CNOT1: variants seen among roughly 807,000 people sequenced by gnomAD.
The protein encoded by CNOT1 is CCR4-NOT transcription complex subunit 1, also known as CCR4-associated factor 1.
A neutral mutation model predicts 273.8 loss-of-function variants in CNOT1; 15 were observed. The observed-to-expected ratio is 0.05, with a 90% confidence interval of 0.04 to 0.08. CNOT1 has a LOEUF of 0.08. CNOT1 is among the 10% of genes least tolerant of loss of function. The pLI, the probability that CNOT1 is intolerant of heterozygous loss-of-function variation, is 1.00. For synonymous variants in CNOT1, 1,022 were observed against 1,005.5 expected, an observed-to-expected ratio of 1.02 and a Z score of -0.31; for missense variants, 1,644 against 2,912.2, an observed-to-expected ratio of 0.56 and a Z score of 10.02.
intron 2 of CNOT1, chr16:58,597,615 T>G (rs1363542601): frequency 2.5e-6 from 1 of 405,482 alleles, no homozygotes; most frequent in Non-Finnish European, 4.7e-6. Flanking sequence ...CACTTTGATC[T>G]GTAAGCAATC....
intron 2 of CNOT1, chr16:58,597,485 G>A (rs1597556466): frequency 5.3e-6 from 1 of 187,864 alleles, no homozygotes; most frequent in East Asian, 1.8e-4. Context: ...AAAAAAAAAA[G>A]AAAGAAAGTA....
intron 16 of CNOT1, among the ~76,000 whole-genome samples, chr16:58,566,721 A>AT (rs1242334415): frequency 6.6e-6 from 1 of 152,178 alleles, no homozygotes; most frequent in Non-Finnish European, 1.5e-5. Flanking sequence ...GACAGAGTGC[A>AT]ATGGCAAGAT....
intron 8 of CNOT1, among the ~76,000 whole-genome samples, chr16:58,583,738 C>G (rs2041732920): frequency 6.6e-6 from 1 of 152,080 alleles, no homozygotes; most frequent in African/African-American, 2.4e-5. Context: ...GGGGTTTCAC[C>G]ACATTGGCCA....
At position 58,558,413 on chromosome 16, in the gene CNOT1, C is replaced by G. The variant is rs934436091; in HGVS notation, c.2332+60G>C. On this transcript the variant is annotated intron_variant, in intron 18 of 48. Transcript: ENST00000317147. ...GTGACTCCAAACCCCTTACCAAACACTAAGGCATAACTAAGGCAAACTTAT... is the reference window on the plus strand; with the variant it reads ...GTGACTCCAAACCCCTTACCAAACAGTAAGGCATAACTAAGGCAAACTTAT... 6 of 1,602,370 alleles carry G rather than the reference C, an allele frequency of 3.7e-6. No individual in the cohort carries two copies. In the African/African-American group the frequency reaches 5.4e-5, roughly 14 times the overall value.
intron 44 of CNOT1, among the ~76,000 whole-genome samples, chr16:58,526,708 C>CG (rs1389599970): frequency 6.7e-6 from 1 of 150,148 alleles, no homozygotes; most frequent in African/African-American, 2.5e-5. Flanking sequence ...CCCAGCTGCT[C>CG]GGGAGTCTGA....
intron 1 of CNOT1, among the ~76,000 whole-genome samples, chr16:58,621,401 G>A (rs938145167): frequency 6.6e-6 from 1 of 151,940 alleles, no homozygotes; most frequent in Non-Finnish European, 1.5e-5. Flanking sequence ...AGCCTCCCAA[G>A]TAGCTGAGAT....
intron 1 of CNOT1, chr16:58,623,190 C>CA (rs34089043): frequency 2.7e-5 from 4 of 146,010 alleles, no homozygotes; most frequent in Non-Finnish European, 3.0e-5. Context: ...ACTCTGCCTC[C>CA]AAAAAAAAAA....
intron 1 of CNOT1, among the ~76,000 whole-genome samples, chr16:58,628,253 T>C (rs969108144): frequency 1.3e-5 from 2 of 152,210 alleles, no homozygotes; most frequent in Non-Finnish European, 2.9e-5. Context: ...CCTAAAACCA[T>C]GTATCATCAA....
chr16:58,541,717 A>G, intron 33 of CNOT1, 97 bp from the exon 34 acceptor site: 1 of 1,195,070 alleles, frequency 8.4e-7, no homozygotes, highest in Non-Finnish European at 1.2e-6. Context: ...GCTCAGGGAC[A>G]CAAGAGTCAT....
At chr16:58,559,555 T>C (rs1375856339) in intron 17 of CNOT1, among the ~76,000 whole-genome samples, 3 of 152,184 alleles carry the variant, frequency 2.0e-5, no homozygotes, top group Non-Finnish European at 2.9e-5. Flanking sequence ...TTCACCAAAA[T>C]ATGTATTTTT....
At chr16:58,545,238 C>T in intron 30 of CNOT1, 123 bp downstream of exon 30, 6 of 1,467,160 alleles carry the variant, frequency 4.1e-6, no homozygotes, top group Non-Finnish European at 5.5e-6. Context: ...TCTCCATCCT[C>T]TCTGACAAAC....
intron 8 of CNOT1, among the ~76,000 whole-genome samples, 177 bp downstream of exon 8, chr16:58,585,161 A>G (rs1354542134): frequency 4.6e-5 from 7 of 152,192 alleles, no homozygotes; most frequent in Non-Finnish European, 1.0e-4. Context: ...TAAACATTTA[A>G]CACCCAGGAT....
intron 42 of CNOT1, 64 bp from the exon 43 acceptor site, chr16:58,530,411 G>T: frequency 8.7e-7 from 1 of 1,145,922 alleles, no homozygotes; most frequent in Middle Eastern, 2.0e-4. Context: ...ACTACAAGTC[G>T]CCCAAGCAGC....
At chr16:58,568,087 A>C (rs565548199) in intron 16 of CNOT1, among the ~76,000 whole-genome samples, 59 of 152,302 alleles carry the variant, frequency 3.9e-4, no homozygotes, top group African/African-American at 1.3e-3. Context: ...AAATCTGTAA[A>C]GAAGGCCGGG....
intron 2 of CNOT1, among the ~76,000 whole-genome samples, chr16:58,595,709 T>A (rs1182086970): frequency 1.3e-5 from 2 of 152,160 alleles, no homozygotes; most frequent in East Asian, 1.9e-4. Context: ...AAGCAGGCCA[T>A]CCTCCAGGGA....
chr16:58,606,992 G>A (rs1003976580), intron 1 of CNOT1, among the ~76,000 whole-genome samples: 4 of 152,046 alleles, frequency 2.6e-5, no homozygotes, highest in African/African-American at 9.7e-5. Flanking sequence ...ATTACTAATT[G>A]TCTATTGAAC....
In CNOT1 at chr16:58,592,052, T is replaced by G. The variant is rs191422418; in HGVS notation, c.103-3146A>C. ...CTTGATATACTTAATTTTTCATATA[T>G]TAAGATTTTGCTACCAGATTTTAAG... On this transcript the variant is annotated intron_variant, in intron 2 of 48. Transcript: ENST00000317147. 4.1e-4 allele frequency among the ~76,000 whole-genome samples: 62 copies of G among 152,300 alleles called. No individual in the cohort carries two copies. In the East Asian group the frequency reaches 0.01, roughly 26 times the overall value.
rs1597562801 is a variant in CNOT1, at chr16:58,599,374, G to A, written c.-37C>T. 1.2e-6 allele frequency: 2 copies of A among 1,613,456 alleles called. No individual in the cohort carries two copies. The highest frequency in any genetic ancestry group is 1.7e-6 in the Non-Finnish European group (2 of 1,179,806). ...GCGGAAGCAGGCGGCCGAGCCCGGCGCAAAATCACCATTATTCCCCTTTAG... is the reference window on the plus strand; with the variant it reads ...GCGGAAGCAGGCGGCCGAGCCCGGCACAAAATCACCATTATTCCCCTTTAG... On this transcript the variant is annotated 5_prime_UTR_variant, in exon 2 of 49. Coordinates refer to ENST00000317147, the MANE Select transcript of CNOT1 (RefSeq NM_016284.5).
chr16:58,625,985 T>C (rs144038301), intron 1 of CNOT1, among the ~76,000 whole-genome samples: 19 of 152,272 alleles, frequency 1.2e-4, no homozygotes, highest in African/African-American at 4.6e-4. Flanking sequence ...TTCTTCTATA[T>C]ATAGAGTCAC....
Sources: gnomAD v4.1 joint callset for allele counts (sites outside exome capture counted in the v4.1 genomes callset) on GRCh38, gnomAD v4.1.1 for gene constraint, MANE v1.5 for transcripts, NCBI Gene and HGNC (gene_info 2026-07-23, HGNC 2026-07-21) for gene names.